Variants in LDLRAD3 observed in about 807,000 individuals in gnomAD.
LDLRAD3 encodes the protein low density lipoprotein receptor class A domain containing 3.
LDLRAD3 carries 20 observed loss-of-function variants against 29.4 expected under a neutral mutation model. That is an observed-to-expected ratio of 0.68 (90% CI 0.48 to 0.99). The LOEUF (loss-of-function observed/expected upper bound fraction) is 0.99. Among genes scored for constraint, LDLRAD3 ranks in the 50% least tolerant of loss-of-function variants. LDLRAD3 has a pLI of 0.00. For missense variants in LDLRAD3, 420 were observed against 454.3 expected (o/e 0.92, Z 0.69); for synonymous variants, 157 against 192.7 (o/e 0.81, Z 1.53).
chr11:36,036,040 G>C (rs758613978), intron 1 of LDLRAD3, 63 bp from the exon 2 acceptor site: 2 of 1,550,852 alleles, frequency 1.3e-6, no homozygotes, highest in Non-Finnish European at 1.8e-6. Flanking sequence ...ACACCTTTCA[G>C]TTGAGGGGCG....
At chr11:36,011,999 A>G (rs1851961554) in intron 1 of LDLRAD3, among the ~76,000 whole-genome samples, 1 of 152,062 alleles carries the variant, frequency 6.6e-6, no homozygotes, top group Non-Finnish European at 1.5e-5. Context: ...GAAGTTTGCT[A>G]TTTTCTTCGA....
At chr11:36,043,415 A>G (rs1852407918) in intron 2 of LDLRAD3, among the ~76,000 whole-genome samples, 1 of 152,172 alleles carries the variant, frequency 6.6e-6, no homozygotes, top group Non-Finnish European at 1.5e-5. Flanking sequence ...TCCTTTAACA[A>G]TTTGCAAGTA....
At chr11:36,127,207 T>C (rs547578839) in intron 4 of LDLRAD3, among the ~76,000 whole-genome samples, 63 of 152,338 alleles carry the variant, frequency 4.1e-4, no homozygotes, top group Non-Finnish European at 7.2e-4. Flanking sequence ...GGAATGTCTT[T>C]ACTTTATTGT....
intron 2 of LDLRAD3, among the ~76,000 whole-genome samples, chr11:36,060,965 G>T (rs1003645495): frequency 6.6e-6 from 1 of 152,098 alleles, no homozygotes; most frequent in African/African-American, 2.4e-5. Flanking sequence ...CCCTGGACAG[G>T]TTACCTAACC....
chr11:35,970,259 G>A (rs1040530735), intron 1 of LDLRAD3, among the ~76,000 whole-genome samples: 15 of 152,160 alleles, frequency 9.9e-5, no homozygotes, highest in East Asian at 3.9e-4. Context: ...TATGTAATTC[G>A]TTAAGACACA....
At position 36,045,393 on chromosome 11, in the gene LDLRAD3, T is replaced by G. The variant is rs143691192; in HGVS notation, c.193+9144T>G. On this transcript the variant is annotated intron_variant, in intron 2 of 5. Transcript: ENST00000315571. ...ACAACATACCACAAACTGGGTGGCT[T>G]AGAACAACAGATATTTATTCTTTCA... Among the ~76,000 whole-genome samples the G allele has an allele frequency of 2.4e-3, 370 of 152,338 alleles. 5 individuals carry two copies. Among genetic ancestry groups the G allele is most frequent in the African/African-American group, 8.4e-3 (348 of 41,568 alleles).
chr11:36,184,206 C>G (rs1854811824), intron 4 of LDLRAD3: 1 of 156,200 alleles, frequency 6.4e-6, no homozygotes, highest in African/African-American at 2.4e-5. Context: ...CTCAGGTGAT[C>G]CACCCACCTT....
intron 4 of LDLRAD3, among the ~76,000 whole-genome samples, chr11:36,201,989 T>C (rs1419294051): frequency 2.6e-5 from 4 of 152,070 alleles, no homozygotes; most frequent in African/African-American, 9.7e-5. Flanking sequence ...AATGCCACTT[T>C]GTTTCATTTC....
At position 36,156,605 on chromosome 11, in the gene LDLRAD3, G is replaced by T. The variant is rs188184601; in HGVS notation, c.454+58144G>T. On this transcript the variant is annotated intron_variant, in intron 4 of 5. Coordinates refer to ENST00000315571, the MANE Select transcript of LDLRAD3 (RefSeq NM_174902.4). ...CCACACACAGCCTTCTCTTAGAGGG[G>T]AGTTAAGGTAAGGAAATGACTGTCT... 4.3e-4 allele frequency among the ~76,000 whole-genome samples: 65 copies of T among 152,314 alleles called. 1 individual carries two copies. The highest frequency in any genetic ancestry group is 9.1e-4 in the Admixed American group (14 of 15,302).
At chr11:36,047,728 G>A (rs990475116) in intron 2 of LDLRAD3, among the ~76,000 whole-genome samples, 5 of 152,188 alleles carry the variant, frequency 3.3e-5, no homozygotes, top group Non-Finnish European at 2.9e-5. Context: ...TCTGGGAGCT[G>A]TGCAACCTAC....
chr11:36,025,774 ATTTT>A (rs754006718), intron 1 of LDLRAD3, among the ~76,000 whole-genome samples: 1 of 84,406 alleles, frequency 1.2e-5, no homozygotes, highest in Non-Finnish European at 2.3e-5. Flanking sequence ...CCTGAATTTG[ATTTT>A]TTTTTTTTTT....
At chr11:36,177,005 AT>A (rs926215657) in intron 4 of LDLRAD3, among the ~76,000 whole-genome samples, 32 of 149,552 alleles carry the variant, frequency 2.1e-4, no homozygotes, top group East Asian at 5.9e-4. Context: ...GCTTTGTTCA[AT>A]TTTTTTTTTC....
intron 4 of LDLRAD3, among the ~76,000 whole-genome samples, chr11:36,171,313 T>C (rs1473345444): frequency 6.6e-6 from 1 of 152,212 alleles, no homozygotes; most frequent in Non-Finnish European, 1.5e-5. Context: ...TAAGTCCCAC[T>C]GTTTATCTGT....
intron 4 of LDLRAD3, among the ~76,000 whole-genome samples, chr11:36,139,027 A>G (rs1255962944): frequency 1.3e-5 from 2 of 152,080 alleles, no homozygotes; most frequent in African/African-American, 2.4e-5. Flanking sequence ...TGCAACTCTC[A>G]CTTCTACTCC....
intron 1 of LDLRAD3, chr11:36,010,060 G>T (rs1851935843): frequency 6.5e-6 from 1 of 154,404 alleles, no homozygotes; most frequent in African/African-American, 2.4e-5. Flanking sequence ...CTACTTTATT[G>T]TGTTTGTGTC....
chr11:36,013,242 C>T (rs1476121138), intron 1 of LDLRAD3, among the ~76,000 whole-genome samples: 2 of 152,164 alleles, frequency 1.3e-5, no homozygotes, highest in African/African-American at 4.8e-5. Context: ...CTTAGCCTCT[C>T]AGCAGTTTGC....
intron 1 of LDLRAD3, among the ~76,000 whole-genome samples, chr11:36,034,254 CCA>C (rs1337857879): frequency 6.6e-6 from 1 of 152,112 alleles, no homozygotes; most frequent in African/African-American, 2.4e-5. Flanking sequence ...ATCCTTCTGG[CCA>C]CAGAGGGGAG....
rs1404511488 is a variant in LDLRAD3, at chr11:36,036,102, G to C, written c.47-1G>C. The C allele has an allele frequency of 1.9e-6, 3 of 1,613,616 alleles. No individual in the cohort carries two copies. Among genetic ancestry groups the C allele is most frequent in the Non-Finnish European group, 2.5e-6 (3 of 1,179,792 alleles). ...TCTGACCTGTCCCCTCTCTCTGACAGAGAGCCAGCTGCTCCCCGGGAACAA... is the reference window on the plus strand; with the variant it reads ...TCTGACCTGTCCCCTCTCTCTGACACAGAGCCAGCTGCTCCCCGGGAACAA... On this transcript the variant is annotated splice_acceptor_variant, in intron 1 of 5. Coordinates refer to ENST00000315571, the MANE Select transcript of LDLRAD3 (RefSeq NM_174902.4). LOFTEE classifies it high-confidence loss of function.
intron 4 of LDLRAD3, among the ~76,000 whole-genome samples, chr11:36,210,630 G>A (rs750973118): frequency 1.8e-4 from 28 of 152,126 alleles, no homozygotes; most frequent in Non-Finnish European, 2.8e-4. Context: ...TTGTCTTAAA[G>A]AACATTCAAA....
Sources: gnomAD v4.1 joint callset for allele counts (sites outside exome capture counted in the v4.1 genomes callset) on GRCh38, gnomAD v4.1.1 for gene constraint, MANE v1.5 for transcripts, NCBI Gene and HGNC (gene_info 2026-07-23, HGNC 2026-07-21) for gene names.